The following SFMBT2 variants were observed in gnomAD, a reference collection of about 807,000 sequenced individuals.
The protein encoded by SFMBT2 is scm-like with four MBT domains protein 2.
SFMBT2 carries 38 observed loss-of-function variants against 110.1 expected under a neutral mutation model. That is an observed-to-expected ratio of 0.35 (90% CI 0.27 to 0.45). SFMBT2 has a LOEUF of 0.45. SFMBT2 is among the 20% of genes least tolerant of loss of function. The pLI, the probability that SFMBT2 is intolerant of heterozygous loss-of-function variation, is 1.00. For missense variants in SFMBT2, 1,011 were observed against 1,094.9 expected (o/e 0.92, Z 1.08); for synonymous variants, 425 against 425.4 (o/e 1.00, Z 0.01).
intron 1 of SFMBT2, among the ~76,000 whole-genome samples, chr10:7,402,311 C>T (rs941289667): frequency 3.3e-5 from 5 of 152,084 alleles, no homozygotes; most frequent in African/African-American, 1.2e-4. Context: ...ACATGTCTTC[C>T]GCCTTTTAAA....
intron 4 of SFMBT2, among the ~76,000 whole-genome samples, chr10:7,358,465 AGGCATTGCCCTAGAACACC>A (rs1844598090): frequency 6.7e-6 from 1 of 149,166 alleles, no homozygotes; most frequent in South Asian, 2.1e-4. Context: ...CCTGGAATGG[AGGCATTGCCCTAGAACACC>A]GGCATGGCCC....
rs1564435131 is a variant in SFMBT2 at position 7,314,961 on chromosome 10, AGAG to A, written c.437-29010_437-29008del. On this transcript the variant is annotated intron_variant, in intron 4 of 20. Coordinates refer to ENST00000397167, the MANE Select transcript of SFMBT2 (RefSeq NM_001387889.1). ...AGAGAAAGAGAAAGAGAGAAAGAAAAGAGAGAGAGAGAGAGGGAGAAAGAGAAA... is the reference window on the plus strand; with the variant it reads ...AGAGAAAGAGAAAGAGAGAAAGAAAAAGAGAGAGAGAGGGAGAAAGAGAAA... Among the ~76,000 whole-genome samples the A allele has an allele frequency of 4.1e-5, 6 of 145,448 alleles. No homozygotes were observed. In the South Asian group the frequency reaches 1.1e-3, roughly 26 times the overall value.
In SFMBT2 at chr10:7,318,729, T is replaced by C. The variant is rs1256724558; in HGVS notation, c.437-32775A>G. Among the ~76,000 whole-genome samples the C allele has an allele frequency of 2.6e-5, 4 of 152,394 alleles. No homozygotes were observed. In the South Asian group the frequency reaches 6.2e-4, roughly 24 times the overall value. ...TAAAGGTTCGCGTCTCCGCGTCTTC[T>C]ATTCTGGGCTAGGACAGACGAATGG... On this transcript the variant is annotated intron_variant, in intron 4 of 20. Coordinates refer to ENST00000397167, the MANE Select transcript of SFMBT2 (RefSeq NM_001387889.1).
At chr10:7,279,496 C>A (rs1268490977) in intron 6 of SFMBT2, among the ~76,000 whole-genome samples, 1 of 152,176 alleles carries the variant, frequency 6.6e-6, no homozygotes, top group African/African-American at 2.4e-5. Context: ...CAGAGAACAA[C>A]AGTCCCCATG....
chr10:7,243,820 T>C (rs572055032), intron 8 of SFMBT2, 115 bp from the exon 9 acceptor site: 33 of 642,986 alleles, frequency 5.1e-5, no homozygotes, highest in Middle Eastern at 8.2e-4. Flanking sequence ...TCAAAATGAT[T>C]TGAATACAAA....
chr10:7,215,706 C>T (rs747890616), intron 11 of SFMBT2: 238 of 985,298 alleles, frequency 2.4e-4, no homozygotes, highest in Non-Finnish European at 2.7e-4. Flanking sequence ...GGCGGCTGGC[C>T]GATGAATTTA....
chr10:7,212,405 G>C (rs1839379412), intron 11 of SFMBT2, among the ~76,000 whole-genome samples: 2 of 152,192 alleles, frequency 1.3e-5, no homozygotes, highest in South Asian at 4.1e-4. Flanking sequence ...GTAAAAACAT[G>C]GTGCTTTGTC....
Position 7,160,497 on chromosome 10 carries a change from C to T in SFMBT2, c.*3273G>A, listed in dbSNP as rs149828211. ...CCAATAAGTTCCAAGTGGCATGATG[C>T]CCACAGGAAGTAGGCGCACTAAGGA... On this transcript the variant is annotated 3_prime_UTR_variant, in exon 21 of 21. Transcript: ENST00000397167. 35 of 152,224 alleles carry T rather than the reference C, an allele frequency of 2.3e-4. No homozygotes were observed. In the East Asian group the frequency reaches 6.6e-3, roughly 29 times the overall value. The allele number at this position is 152,224 out of a possible 1,614,324, so 9.4% of individuals were successfully genotyped here. A position where few individuals can be genotyped will look rare whatever the true frequency, so the allele number is the denominator to read the frequency against.
In SFMBT2 at chr10:7,284,150, G is replaced by T; in HGVS notation, c.526C>A (p.Pro176Thr). 6.2e-7 allele frequency: 1 copy of T among 1,612,818 alleles called. No individual in the cohort carries two copies. Among genetic ancestry groups the T allele is most frequent in the Non-Finnish European group, 8.5e-7 (1 of 1,179,626 alleles). The part of the protein sequence containing the change: ...RTAPANLLEG[P>T]LRGKGPIDLI... ...TCTATAGGGCCTTTCCCTCGCAGAG[G>T]CTGTTTAAACAGAAGCAAAACTCCT... Residue 176 changes from proline to threonine, a missense_variant and splice_region_variant, in exon 6 of 21, where the codon CCT (proline) becomes ACT (threonine). This residue lies in a region of SFMBT2 where 979 missense variants were observed against 1,016.1 expected (regional missense o/e 0.96). Transcript: ENST00000397167.
chr10:7,243,454 C>T (rs768908518), intron 9 of SFMBT2, 104 bp downstream of exon 9: 19 of 762,686 alleles, frequency 2.5e-5, no homozygotes, highest in Non-Finnish European at 3.8e-5. Context: ...ACATCTAAAC[C>T]CTTTACACAA....
rs1193911685 is a variant in SFMBT2, at chr10:7,367,057, TTTC to T, written c.436+589_436+591del. ...ATGTCATTTCTCTCATCTGTATGGT[TTTC>T]TTTCTTTCTTTTTTTTTTTTTAATT... On this transcript the variant is annotated intron_variant, in intron 4 of 20. Coordinates refer to ENST00000397167, the MANE Select transcript of SFMBT2 (RefSeq NM_001387889.1). This position sits in a 1 kb window ranked among gnomAD's most constrained non-coding sequence, Gnocchi z 6.2. 6.6e-6 allele frequency among the ~76,000 whole-genome samples: 1 copy of T among 151,824 alleles called. No individual in the cohort carries two copies. Among genetic ancestry groups the T allele is most frequent in the Non-Finnish European group, 1.5e-5 (1 of 67,946 alleles).
At position 7,349,440 on chromosome 10, in the gene SFMBT2, CTTT is replaced by C. The variant is rs369479041; in HGVS notation, c.436+18206_436+18208del. On this transcript the variant is annotated intron_variant, in intron 4 of 20. Transcript: ENST00000397167. ...CCCTGACTCTTTTTTCTTTTCTTTTCTTTTTTTTTTTTTTTTTTTTTTTTTTGC... is the reference window on the plus strand; with the variant it reads ...CCCTGACTCTTTTTTCTTTTCTTTTCTTTTTTTTTTTTTTTTTTTTTTTGC... 8.3e-3 allele frequency among the ~76,000 whole-genome samples: 389 copies of C among 46,896 alleles called. 3 individuals carry two copies. Among genetic ancestry groups the C allele is most frequent in the Middle Eastern group, 0.071 (2 of 28 alleles). The allele number at this position is 46,896 out of a possible 152,430, so 30.8% of individuals were successfully genotyped here.
chr10:7,240,847 C>G (rs1005055733), intron 9 of SFMBT2, among the ~76,000 whole-genome samples: 6 of 152,170 alleles, frequency 3.9e-5, no homozygotes, highest in Non-Finnish European at 7.4e-5. Flanking sequence ...AGTTGCTGGT[C>G]TTTTTCTTAC....
Position 7,221,122 on chromosome 10 carries a change from G to A in SFMBT2, c.1204-585C>T, listed in dbSNP as rs77329055. Reference sequence around the variant, plus strand: ...ATTACAGGTGTGAGCCACCGTGCCCGGCTGCACCCTTCCTTCTATGGGATC... The same window carrying A: ...ATTACAGGTGTGAGCCACCGTGCCCAGCTGCACCCTTCCTTCTATGGGATC... On this transcript the variant is annotated intron_variant, in intron 10 of 20. Transcript: ENST00000397167. 9.8e-3 allele frequency among the ~76,000 whole-genome samples: 1,481 copies of A among 150,742 alleles called. 31 individuals are homozygous for A. Among genetic ancestry groups the A allele is most frequent in the African/African-American group, 0.035 (1,429 of 41,084 alleles).
chr10:7,276,741 T>C (rs1309364452), intron 7 of SFMBT2, 151 bp downstream of exon 7: 2 of 594,752 alleles, frequency 3.4e-6, no homozygotes, highest in African/African-American at 3.7e-5. Flanking sequence ...TTAGCCAGGA[T>C]GGTCTCGATC....
At chr10:7,254,625 T>A (rs2018882) in intron 7 of SFMBT2, among the ~76,000 whole-genome samples, 38,065 of 151,734 alleles carry the variant, frequency 0.25, 5,136 homozygotes, top group South Asian at 0.43. Flanking sequence ...ATCGAGACCA[T>A]CCTGGCCAAC....
chr10:7,246,224 T>C, intron 8 of SFMBT2: 1 of 943,588 alleles, frequency 1.1e-6, no homozygotes, highest in South Asian at 4.9e-5. Flanking sequence ...AAAACACAGT[T>C]TAGAAATCAG....
At chr10:7,369,200 G>T (rs1036285705) in intron 3 of SFMBT2, among the ~76,000 whole-genome samples, 1 of 152,112 alleles carries the variant, frequency 6.6e-6, no homozygotes, top group African/African-American at 2.4e-5. Flanking sequence ...CAAAGTTCTG[G>T]CTTCTTCATT....
intron 7 of SFMBT2, among the ~76,000 whole-genome samples, chr10:7,275,649 C>G (rs114919565): frequency 6.6e-6 from 1 of 152,142 alleles, no homozygotes; most frequent in Non-Finnish European, 1.5e-5. Flanking sequence ...AGTACAGGAG[C>G]CCCCAAACAC....
Sources: allele counts gnomAD v4.1 joint callset (sites outside exome capture counted in the v4.1 genomes callset), GRCh38; gene constraint gnomAD v4.1.1; regional missense constraint gnomAD v4.1.1; non-coding constraint Gnocchi (gnomAD v3.1); transcripts MANE v1.5; gene names NCBI Gene and HGNC (gene_info 2026-07-23, HGNC 2026-07-21).